DEPTOR: variants seen among roughly 807,000 people sequenced by gnomAD.
The protein encoded by DEPTOR is DEP domain containing MTOR interacting protein, also known as DEP domain-containing mTOR-interacting protein.
A neutral mutation model predicts 41.6 loss-of-function variants in DEPTOR; 41 were observed. That is an observed-to-expected ratio of 0.98 (90% CI 0.77 to 1.28). The LOEUF (loss-of-function observed/expected upper bound fraction) is 1.28. DEPTOR is among the 50% of genes most tolerant of loss of function. The pLI, the probability that DEPTOR is intolerant of heterozygous loss-of-function variation, is 0.00. For synonymous variants in DEPTOR, 195 were observed against 192.3 expected (o/e 1.01, Z -0.12); for missense variants, 514 against 527.9 (o/e 0.97, Z 0.26).
chr8:119,920,603 A>C (rs1274403946), intron 1 of DEPTOR, among the ~76,000 whole-genome samples: 1 of 152,202 alleles, frequency 6.6e-6, no homozygotes, highest in Non-Finnish European at 1.5e-5. Flanking sequence ...AGAAGAGTTC[A>C]GAATATTCAG....
At chr8:119,875,146 T>C (rs7465510) in intron 1 of DEPTOR, among the ~76,000 whole-genome samples, 128,138 of 152,002 alleles carry the variant, frequency 0.84, 54,132 homozygotes, top group East Asian at 0.97. Flanking sequence ...ATAAAAACTT[T>C]TTTTCCTTCA....
chr8:120,035,161 T>C (rs1812961362), intron 8 of DEPTOR, among the ~76,000 whole-genome samples: 1 of 151,738 alleles, frequency 6.6e-6, no homozygotes, highest in Non-Finnish European at 1.5e-5. Flanking sequence ...CTACAAAAAA[T>C]ACAAAAAAAT....
At chr8:119,904,578 TC>T (rs755371849) in intron 1 of DEPTOR, among the ~76,000 whole-genome samples, 14 of 151,966 alleles carry the variant, frequency 9.2e-5, no homozygotes, top group Non-Finnish European at 1.5e-4. Context: ...CACTGCAACC[TC>T]CACCTCCTGG....
At chr8:120,006,719 C>A in intron 6 of DEPTOR, 86 bp from the exon 7 acceptor site, 1 of 1,206,094 alleles carries the variant, frequency 8.3e-7, no homozygotes, top group Non-Finnish European at 1.2e-6. Flanking sequence ...CTGATGGTCA[C>A]CTACGAGATA....
In DEPTOR at chr8:119,928,579, G is replaced by A; in HGVS notation, c.301+1G>A. 1 of 1,613,896 alleles carries A rather than the reference G, an allele frequency of 6.2e-7. No homozygotes were observed. On this transcript the variant is annotated splice_donor_variant, in intron 2 of 8. Transcript: ENST00000286234. LOFTEE classifies it high-confidence loss of function. ...GCAGACCGGGGCATTATTCACCATG[G>A]TGAGTGCGGTGGCGAGTCAAGGTGA...
intron 1 of DEPTOR, among the ~76,000 whole-genome samples, chr8:119,900,545 C>A (rs1467503890): frequency 6.6e-6 from 1 of 151,446 alleles, no homozygotes; most frequent in African/African-American, 2.4e-5. Flanking sequence ...TGCCACCACA[C>A]CTGGCTCATT....
chr8:119,992,842 A>G (rs1427989958), intron 4 of DEPTOR, among the ~76,000 whole-genome samples: 1 of 151,894 alleles, frequency 6.6e-6, no homozygotes, highest in Non-Finnish European at 1.5e-5. Flanking sequence ...TTTTTACCTG[A>G]GACAGGGTTT....
Position 119,974,821 on chromosome 8 carries a change from C to T in DEPTOR, c.604+9411C>T, listed in dbSNP as rs978915707. ...TAGTTCAGACTTCAGGCTTAAATACCATTATTCCCTGAAACAAAGAAAAAA... is the reference window on the plus strand; with the variant it reads ...TAGTTCAGACTTCAGGCTTAAATACTATTATTCCCTGAAACAAAGAAAAAA... On this transcript the variant is annotated intron_variant, in intron 4 of 8. Coordinates refer to ENST00000286234, the MANE Select transcript of DEPTOR (RefSeq NM_022783.4). Among the ~76,000 whole-genome samples the T allele has an allele frequency of 2.0e-5, 3 of 151,752 alleles. No individual in the cohort carries two copies. The South Asian group carries it at 6.2e-4, about 32-fold the overall frequency.
chr8:119,902,985 T>C (rs1002285157), intron 1 of DEPTOR, among the ~76,000 whole-genome samples: 1 of 152,196 alleles, frequency 6.6e-6, no homozygotes, highest in Non-Finnish European at 1.5e-5. Flanking sequence ...ACTAAAATTG[T>C]GTGCTCCGTG....
intron 3 of DEPTOR, among the ~76,000 whole-genome samples, chr8:119,935,536 C>T (rs1311626092): frequency 6.6e-6 from 1 of 152,084 alleles, no homozygotes; most frequent in African/African-American, 2.4e-5. Context: ...GCCTGGCCAA[C>T]AGGGTGAAAC....
chr8:119,906,876 G>C (rs1023118369), intron 1 of DEPTOR, among the ~76,000 whole-genome samples: 1 of 152,094 alleles, frequency 6.6e-6, no homozygotes, highest in Non-Finnish European at 1.5e-5. Flanking sequence ...GAGAGCATTC[G>C]CGTTGTTCAT....
At chr8:119,933,754 A>C (rs1310362921) in intron 3 of DEPTOR, among the ~76,000 whole-genome samples, 1 of 152,016 alleles carries the variant, frequency 6.6e-6, no homozygotes, top group Admixed American at 6.6e-5. Flanking sequence ...GCGTATTGTC[A>C]GTATTTCTTT....
At chr8:120,010,071 G>A (rs1057135739) in intron 8 of DEPTOR, among the ~76,000 whole-genome samples, 1 of 152,056 alleles carries the variant, frequency 6.6e-6, no homozygotes, top group African/African-American at 2.4e-5. Flanking sequence ...ATGAACTTTG[G>A]CAGAGATCTG....
chr8:119,900,413 G>A (rs1827575697), intron 1 of DEPTOR, among the ~76,000 whole-genome samples: 1 of 53,436 alleles, frequency 1.9e-5, no homozygotes, highest in Non-Finnish European at 3.0e-5. Context: ...TTGGGAGACA[G>A]GGTCTCACAC....
At chr8:119,975,870 CTTTTTTTTTTT>C (rs34482727) in intron 4 of DEPTOR, among the ~76,000 whole-genome samples, 2 of 65,268 alleles carry the variant, frequency 3.1e-5, no homozygotes, top group Admixed American at 2.4e-4. Context: ...ATGCTTGCTC[CTTTTTTTTTTT>C]TTTTTTTTTT....
chr8:119,930,033 T>C, intron 3 of DEPTOR, 95 bp downstream of exon 3: 5 of 1,436,378 alleles, frequency 3.5e-6, no homozygotes, highest in Non-Finnish European at 4.7e-6. Flanking sequence ...GTGGCTTTTC[T>C]ATGTGGGCTG....
At chr8:119,874,051 G>A (rs1448625149) in intron 1 of DEPTOR, 83 bp downstream of exon 1, 1 of 1,576,230 alleles carries the variant, frequency 6.3e-7, no homozygotes, top group African/African-American at 1.4e-5. Flanking sequence ...CGCGCTCCCT[G>A]GCTCGTGGCT....
At chr8:120,011,233 G>A (rs191324132) in intron 8 of DEPTOR, among the ~76,000 whole-genome samples, 1 of 152,330 alleles carries the variant, frequency 6.6e-6, no homozygotes, top group Admixed American at 6.5e-5. Flanking sequence ...GGTATGATTA[G>A]GGGCTGCTTC....
chr8:119,939,928 A>G (rs552540124), intron 3 of DEPTOR, among the ~76,000 whole-genome samples: 4 of 152,130 alleles, frequency 2.6e-5, no homozygotes, highest in African/African-American at 9.6e-5. Context: ...GTAAACATGT[A>G]ATTACCAGGC....
Sources: allele counts gnomAD v4.1 joint callset (sites outside exome capture counted in the v4.1 genomes callset), GRCh38; gene constraint gnomAD v4.1.1; transcripts MANE v1.5; gene names NCBI Gene and HGNC (gene_info 2026-07-23, HGNC 2026-07-21).